DENND2A: variants seen among roughly 807,000 people sequenced by gnomAD.
The protein encoded by DENND2A is DENN domain containing 2A.
Under a neutral mutation model 105.3 loss-of-function variants are expected in DENND2A, and 53 were observed. That is an observed-to-expected ratio of 0.50 (90% CI 0.40 to 0.63). DENND2A has a LOEUF of 0.63. DENND2A is among the 30% of genes least tolerant of loss of function. The pLI, the probability that DENND2A is intolerant of heterozygous loss-of-function variation, is 0.00. For missense variants in DENND2A, 1,138 were observed against 1,279.6 expected (o/e 0.89, Z 1.69); for synonymous variants, 522 against 508.4 (o/e 1.03, Z -0.36).
At chr7:140,544,556 A>C (rs1300073110) in intron 14 of DENND2A, 62 bp downstream of exon 14, 1 of 1,606,420 alleles carries the variant, frequency 6.2e-7, no homozygotes, top group African/African-American at 1.3e-5. Flanking sequence ...TGCTCTACAG[A>C]CTAGAGGGTC....
At chr7:140,533,139 G>T (rs1228976146) in intron 14 of DENND2A, among the ~76,000 whole-genome samples, 1 of 151,982 alleles carries the variant, frequency 6.6e-6, no homozygotes, top group Non-Finnish European at 1.5e-5. Context: ...CTACAGGTGT[G>T]CACCACCATG....
chr7:140,555,688 G>A lies in DENND2A; in HGVS notation c.1985C>T (p.Pro662Leu). 2.5e-6 allele frequency: 4 copies of A among 1,608,808 alleles called. No individual in the cohort carries two copies. The highest frequency in any genetic ancestry group is 3.4e-6 in the Non-Finnish European group (4 of 1,178,534). Reference sequence around the variant, plus strand: ...GCGGCTCACAATGCAGTAAACTTCAGGAAGGCGCTTCCCTTTGCCTCCAGG... The same window carrying A: ...GCGGCTCACAATGCAGTAAACTTCAAGAAGGCGCTTCCCTTTGCCTCCAGG... ...LLPGGKGKRL[P>L]EVYCIVSRLG... The change falls in exon 12 of 20, where the codon CCT becomes CTT. Residue 662 changes from proline (P) to leucine (L), a missense_variant. Around this residue, in one of 2 missense-constraint regions of DENND2A, gnomAD observed 627 missense variants for 779.8 expected, o/e 0.80. Coordinates refer to ENST00000496613, the MANE Select transcript of DENND2A (RefSeq NM_015689.5).
chr7:140,535,254 C>T (rs1796416281), intron 14 of DENND2A, among the ~76,000 whole-genome samples: 1 of 152,174 alleles, frequency 6.6e-6, no homozygotes, highest in Admixed American at 6.5e-5. Context: ...AAGTAGCTCT[C>T]CTATTGGTGC....
intron 6 of DENND2A, among the ~76,000 whole-genome samples, chr7:140,572,341 A>C (rs984098695): frequency 6.6e-6 from 1 of 152,034 alleles, no homozygotes; most frequent in Admixed American, 6.6e-5. Context: ...TGGGTCACTC[A>C]GAGAAGTCCC....
intron 1 of DENND2A, among the ~76,000 whole-genome samples, chr7:140,606,455 C>A (rs1475641516): frequency 6.6e-6 from 1 of 152,284 alleles, no homozygotes; most frequent in South Asian, 2.1e-4. Context: ...TCTCTAAGAA[C>A]CACTGTGATG....
intron 3 of DENND2A, among the ~76,000 whole-genome samples, chr7:140,595,992 A>G (rs2130673014): frequency 6.6e-6 from 1 of 152,264 alleles, no homozygotes; most frequent in East Asian, 1.9e-4. Flanking sequence ...GCGGCTAGGC[A>G]GGAGGAGACT....
rs780130207 is a variant in DENND2A, at chr7:140,601,433, G to T, written c.965C>A (p.Thr322Asn). 1.2e-6 allele frequency: 2 copies of T among 1,609,250 alleles called. No homozygotes were observed. The highest frequency in any genetic ancestry group is 1.7e-6 in the Non-Finnish European group (2 of 1,178,042). Residue 322 changes from threonine (T) to asparagine (N), a missense_variant, in exon 3 of 20, where the codon ACC (threonine) becomes AAC (asparagine). Thr to Asn is a moderately conservative substitution (Grantham distance 65). Around this residue, in one of 2 missense-constraint regions of DENND2A, gnomAD observed 511 missense variants for 499.9 expected, o/e 1.02. Coordinates refer to ENST00000496613, the MANE Select transcript of DENND2A (RefSeq NM_015689.5). ...PPSSVNRRLW[T>N]GRQKSSADHR... is the part of the protein sequence containing the mutation. The stretch of plus-strand genomic sequence containing the variant: ...GTCTGCACTGGATTTCTGTCTCCCG[G>T]TCCACAGTCTTCTGTTCACAGAGGA...
At chr7:140,620,460 G>GA (rs931445706) in intron 1 of DENND2A, among the ~76,000 whole-genome samples, 9 of 152,012 alleles carry the variant, frequency 5.9e-5, no homozygotes, top group African/African-American at 2.2e-4. Flanking sequence ...AAGAGACTTT[G>GA]ATTTTTTTTT....
At chr7:140,561,271 A>G (rs1410293616) in intron 9 of DENND2A, among the ~76,000 whole-genome samples, 1 of 152,176 alleles carries the variant, frequency 6.6e-6, no homozygotes, top group African/African-American at 2.4e-5. Context: ...CTTTGCTTAT[A>G]AACAGGTACT....
rs1796697787 is a variant in DENND2A, at chr7:140,542,340, AC to A, written c.2327+2277del. On this transcript the variant is annotated intron_variant, in intron 14 of 19. Transcript: ENST00000496613. ...CAAATTATTGAATGTGCCCACTGGGACGGGGGTGGCCTCCTATGGGGCACTG... is the reference window on the plus strand; with the variant it reads ...CAAATTATTGAATGTGCCCACTGGGAGGGGGTGGCCTCCTATGGGGCACTG... 3.9e-5 allele frequency among the ~76,000 whole-genome samples: 6 copies of A among 152,218 alleles called. No homozygotes were observed. In the South Asian group the frequency reaches 1.2e-3, roughly 32 times the overall value.
chr7:140,601,722 C>T lies in DENND2A; in HGVS notation c.676G>A (p.Glu226Lys), dbSNP rs747536968. Residue 226 changes from glutamate to lysine, a missense_variant, in exon 3 of 20, where the codon GAG becomes AAG. Transcript: ENST00000496613. ...RVHPSDLEGR[E>K]PTPELVEDRK... The stretch of plus-strand genomic sequence containing the variant: ...TCCTCCACAAGCTCAGGGGTGGGCT[C>T]CCTGCCTTCCAGGTCCGAGGGGTGG... 2 of 1,613,974 alleles carry T rather than the reference C, an allele frequency of 1.2e-6. No homozygotes were observed. The highest frequency in any genetic ancestry group is 1.3e-5 in the African/African-American group (1 of 74,906).
intron 1 of DENND2A, among the ~76,000 whole-genome samples, chr7:140,628,380 A>G (rs2130733285): frequency 6.6e-6 from 1 of 152,244 alleles, no homozygotes; most frequent in Middle Eastern, 3.4e-3. Flanking sequence ...AGACCAGCGC[A>G]GCTTGCTCTG....
chr7:140,569,529 A>G, intron 7 of DENND2A, 116 bp downstream of exon 7: 1 of 770,928 alleles, frequency 1.3e-6, no homozygotes, highest in East Asian at 2.4e-5. Flanking sequence ...GGACATTTAC[A>G]AAGCATCAGC....
intron 1 of DENND2A, among the ~76,000 whole-genome samples, chr7:140,615,783 G>A (rs1303970763): frequency 6.6e-6 from 1 of 151,262 alleles, no homozygotes; most frequent in African/African-American, 2.4e-5. Flanking sequence ...GAACTCCTGA[G>A]CTCAAGTGAT....
chr7:140,557,820 G>A (rs1797440574), intron 11 of DENND2A, among the ~76,000 whole-genome samples: 1 of 151,668 alleles, frequency 6.6e-6, no homozygotes, highest in African/African-American at 2.4e-5. Flanking sequence ...TTACAGGCGT[G>A]AGCCACCGCG....
intron 1 of DENND2A, among the ~76,000 whole-genome samples, chr7:140,615,521 TAGG>T (rs1274130313): frequency 6.6e-6 from 1 of 150,524 alleles, no homozygotes; most frequent in Non-Finnish European, 1.5e-5. Flanking sequence ...TGCCCATTTC[TAGG>T]AGTTCTGCTT....
chr7:140,603,183 G>T (rs1799578694), intron 2 of DENND2A, among the ~76,000 whole-genome samples: 1 of 147,756 alleles, frequency 6.8e-6, no homozygotes, highest in Non-Finnish European at 1.5e-5. Flanking sequence ...TCACTCAAGA[G>T]ATTGAGGCAG....
Position 140,563,989 on chromosome 7 carries a change from A to C in DENND2A, c.1779+3097T>G, listed in dbSNP as rs1377935889. Among the ~76,000 whole-genome samples the C allele has an allele frequency of 4.6e-5, 7 of 152,122 alleles. No individual in the cohort carries two copies. In the South Asian group the frequency reaches 1.5e-3, roughly 32 times the overall value. ...AGCAAGACAGAGATCCTGTCTCAAA[A>C]ATACACACACAGGCAGGGCATAGTG... is the stretch of plus-strand genomic sequence containing the variant. On this transcript the variant is annotated intron_variant, in intron 9 of 19. Coordinates refer to ENST00000496613, the MANE Select transcript of DENND2A (RefSeq NM_015689.5).
Position 140,518,504 on chromosome 7 carries a change from T to C in DENND2A, c.*203A>G. Reference sequence around the variant, plus strand: ...ATTTGCATGTCGGCGACACGCCTGGTCTCGGGCTCCCTTTCTGGGGCTGTC... The same window carrying C: ...ATTTGCATGTCGGCGACACGCCTGGCCTCGGGCTCCCTTTCTGGGGCTGTC... On this transcript the variant is annotated 3_prime_UTR_variant, in exon 20 of 20. Coordinates refer to ENST00000496613, the MANE Select transcript of DENND2A (RefSeq NM_015689.5). The C allele has an allele frequency of 4.1e-6, 2 of 489,274 alleles. No individual in the cohort carries two copies. The highest frequency in any genetic ancestry group is 7.8e-5 in the South Asian group (2 of 25,628). 30.3% of individuals were successfully genotyped at this position (489,274 alleles called of 1,614,324 possible). A position where few individuals can be genotyped will look rare whatever the true frequency, so the allele number is the denominator to read the frequency against.
Sources: allele counts gnomAD v4.1 joint callset (sites outside exome capture counted in the v4.1 genomes callset), GRCh38; gene constraint gnomAD v4.1.1; regional missense constraint gnomAD v4.1.1; transcripts MANE v1.5; gene names NCBI Gene and HGNC (gene_info 2026-07-23, HGNC 2026-07-21).